Variants in THSD1 observed in about 807,000 individuals in gnomAD.
THSD1 encodes the protein thrombospondin type-1 domain-containing protein 1.
THSD1 carries 34 observed loss-of-function variants against 46.3 expected under a neutral mutation model. The ratio of observed to expected loss-of-function variants is 0.74; its 90% CI spans 0.56 to 0.98. THSD1 has a LOEUF of 0.98. THSD1 is among the 50% of genes least tolerant of loss of function. The pLI, the probability that THSD1 is intolerant of heterozygous loss-of-function variation, is 0.00. For synonymous variants in THSD1, 407 were observed against 416.5 expected (o/e 0.98, Z 0.28); for missense variants, 1,023 against 1,058.3 (o/e 0.97, Z 0.46).
chr13:52,389,210 T>A (rs1195507367), intron 3 of THSD1, among the ~76,000 whole-genome samples: 1 of 151,282 alleles, frequency 6.6e-6, no homozygotes, highest in African/African-American at 2.4e-5. Context: ...TGATCTGCCC[T>A]CCTCGGCCTC....
Position 52,397,847 on chromosome 13 carries a change from T to A in THSD1, c.406A>T (p.Arg136Trp). ...EWPVFHVDLNRSAKAAEGTFQ... is the reference protein window; with the variant it reads ...EWPVFHVDLNWSAKAAEGTFQ... ...GTGCCTTCTGCTGCCTTGGCACTCC[T>A]ATTCAAGTCAACGTGAAAGACAGGC... The change falls in exon 3 of 5, where the codon AGG becomes TGG. Residue 136 changes from arginine to tryptophan, a missense_variant. This residue lies in a region of THSD1 where 429 missense variants were observed against 518.3 expected (regional missense o/e 0.83). Coordinates refer to ENST00000258613, the MANE Select transcript of THSD1 (RefSeq NM_018676.4). 2.5e-6 allele frequency: 4 copies of A among 1,614,258 alleles called. No individual in the cohort carries two copies. In the South Asian group the frequency reaches 4.4e-5, roughly 18 times the overall value.
In THSD1 at chr13:52,377,899, C is replaced by A. The variant is rs1448685645; in HGVS notation, c.2071G>T (p.Ala691Ser). ...YSSRTRTCEQAEDRFRPQSRG... is the reference protein window; with the variant it reads ...YSSRTRTCEQSEDRFRPQSRG... Reference sequence around the variant, plus strand: ...CTCTGAGGCCTAAATCTGTCCTCTGCCTGCTCGCAGGTCCGCGTCCTAGAG... The same window carrying A: ...CTCTGAGGCCTAAATCTGTCCTCTGACTGCTCGCAGGTCCGCGTCCTAGAG... Residue 691 changes from alanine to serine, a missense_variant, in exon 5 of 5, where the codon GCA becomes TCA. By Grantham distance (99) the Ala-to-Ser change is moderately conservative. Around this residue, in one of 3 missense-constraint regions of THSD1, gnomAD observed 578 missense variants for 497.4 expected, o/e 1.16. Coordinates refer to ENST00000258613, the MANE Select transcript of THSD1 (RefSeq NM_018676.4). 2 of 1,614,210 alleles carry A rather than the reference C, an allele frequency of 1.2e-6. No homozygotes were observed. The highest frequency in any genetic ancestry group is 1.7e-6 in the Non-Finnish European group (2 of 1,180,024).
chr13:52,391,075 G>A (rs1448531774), intron 3 of THSD1, among the ~76,000 whole-genome samples: 1 of 152,176 alleles, frequency 6.6e-6, no homozygotes, highest in African/African-American at 2.4e-5. Context: ...GTAGTGCTTT[G>A]TGTACCTTTG....
intron 1 of THSD1, among the ~76,000 whole-genome samples, chr13:52,404,004 G>GTGGCAT (rs1957887396): frequency 7.7e-6 from 1 of 130,136 alleles, no homozygotes; most frequent in South Asian, 2.5e-4. Context: ...CTGGAGTGCA[G>GTGGCAT]TGGCATGATC....
intron 3 of THSD1, among the ~76,000 whole-genome samples, chr13:52,392,117 A>G (rs1166389245): frequency 6.8e-6 from 1 of 146,560 alleles, no homozygotes; most frequent in Non-Finnish European, 1.5e-5. Flanking sequence ...GCGTTAACCC[A>G]GGAGACGGAG....
Position 52,386,206 on chromosome 13 carries a change from G to C in THSD1, c.1022-20C>G, listed in dbSNP as rs952383995. The C allele has an allele frequency of 2.5e-6, 4 of 1,609,026 alleles. No individual in the cohort carries two copies. The Admixed American group carries it at 6.7e-5, about 27-fold the overall frequency. On this transcript the variant is annotated intron_variant, in intron 3 of 4. Transcript: ENST00000258613. The stretch of plus-strand genomic sequence containing the variant: ...AAGTTTCTGCAAGGATATAAGTTAT[G>C]CTTTTAATGCTAGTTCATTTGAGAA...
chr13:52,388,155 A>T (rs1957747245), intron 3 of THSD1, among the ~76,000 whole-genome samples: 1 of 151,354 alleles, frequency 6.6e-6, no homozygotes, highest in African/African-American at 2.4e-5. Context: ...TCTCTAAAGT[A>T]CTGAAAGAAA....
intron 3 of THSD1, among the ~76,000 whole-genome samples, chr13:52,387,718 AG>A (rs1957743682): frequency 1.3e-5 from 2 of 152,194 alleles, no homozygotes; most frequent in South Asian, 4.1e-4. Context: ...CACACAGCTG[AG>A]GAAAGAAACA....
At chr13:52,402,201 C>T (rs1957869065) in intron 2 of THSD1, among the ~76,000 whole-genome samples, 1 of 152,202 alleles carries the variant, frequency 6.6e-6, no homozygotes, top group Non-Finnish European at 1.5e-5. Context: ...CTAATATACA[C>T]AACATCATTG....
chr13:52,380,604 G>A (rs1026512332), intron 4 of THSD1, among the ~76,000 whole-genome samples: 9 of 147,898 alleles, frequency 6.1e-5, no homozygotes, highest in Non-Finnish European at 8.9e-5. Context: ...CCACCACCAC[G>A]CCTCACTAAA....
rs760620069 is a variant in THSD1, at chr13:52,378,539, G to A, written c.1431C>T (p.Ser477=). ...NICELSEQRG[S]FSDGGDGPTG... ...TGGGCCCGTCTCCCCCATCCGAGAA[G>A]CTCCCGCGCTGCTCGCTCAGCTCGC... The change falls in exon 5 of 5, where the codon AGC becomes AGT. Residue 477 remains serine (S), a synonymous_variant. Transcript: ENST00000258613. The A allele has an allele frequency of 3.1e-6, 5 of 1,614,188 alleles. No homozygotes were observed. In the South Asian group the frequency reaches 4.4e-5, roughly 14 times the overall value.
rs756045226 is a variant in THSD1, at chr13:52,377,643, G to C, written c.2327C>G (p.Ser776Cys). Residue 776 changes from serine to cysteine, a missense_variant, in exon 5 of 5, where the codon TCT becomes TGT. This residue lies in a region of THSD1 where 578 missense variants were observed against 497.4 expected (regional missense o/e 1.16). Transcript: ENST00000258613. ...GTAGTTATCTTTGGGGGATATGGGA[G>C]AAGACTGCTTCCTTGAGACACTCTT... is the stretch of plus-strand genomic sequence containing the variant. ...SHKSVSRKQSSPISPKDNYQR... is the reference protein window; with the variant it reads ...SHKSVSRKQSCPISPKDNYQR... 6.2e-7 allele frequency: 1 copy of C among 1,610,586 alleles called. No homozygotes were observed. Among genetic ancestry groups the C allele is most frequent in the Non-Finnish European group, 8.5e-7 (1 of 1,177,116 alleles).
intron 3 of THSD1, among the ~76,000 whole-genome samples, chr13:52,394,776 A>T (rs1957799913): frequency 6.6e-6 from 1 of 152,314 alleles, no homozygotes; most frequent in Admixed American, 6.5e-5. Flanking sequence ...TGGGCCAAAT[A>T]AAGACCATAA....
chr13:52,389,460 T>C (rs1395665024), intron 3 of THSD1, among the ~76,000 whole-genome samples: 2 of 152,184 alleles, frequency 1.3e-5, no homozygotes, highest in African/African-American at 4.8e-5. Flanking sequence ...TTAAAAGACA[T>C]AGATTGTCAG....
chr13:52,397,491 G>A lies in THSD1; in HGVS notation c.762C>T (p.Ser254=), dbSNP rs1422255176. ...GAGGCAGCACTGTCACCTCTACCCC[G>A]GACTCACATGTGAGTTCTGGCACCA... ...LVMVPELTCE[S]GVEVTVLPPP... is the part of the protein sequence containing the mutation. The change falls in exon 3 of 5, where the codon TCC becomes TCT. Residue 254 remains serine (S), a synonymous_variant. Transcript: ENST00000258613. 14 of 1,613,900 alleles carry A rather than the reference G, an allele frequency of 8.7e-6. No homozygotes were observed. The highest frequency in any genetic ancestry group is 4.4e-5 in the South Asian group (4 of 91,076).
At chr13:52,380,756 A>C (rs1054218401) in intron 4 of THSD1, among the ~76,000 whole-genome samples, 27 of 152,268 alleles carry the variant, frequency 1.8e-4, no homozygotes, top group Admixed American at 1.4e-3. Context: ...CAGGGCAAGA[A>C]GCAGAGTGCG....
intron 2 of THSD1, chr13:52,398,584 G>T: frequency 1.0e-6 from 1 of 985,392 alleles, no homozygotes; most frequent in Non-Finnish European, 1.2e-6. Context: ...CTGAGCCAGG[G>T]ATGATGTAAA....
chr13:52,387,704 T>C (rs1486093100), intron 3 of THSD1, among the ~76,000 whole-genome samples: 1 of 152,150 alleles, frequency 6.6e-6, no homozygotes, highest in Non-Finnish European at 1.5e-5. Flanking sequence ...ATCAATAGAC[T>C]TGACACACAG....
rs368931450 is a variant in THSD1 at position 52,402,649 on chromosome 13, C to T, written c.-49G>A. On this transcript the variant is annotated 5_prime_UTR_variant, in exon 2 of 5. It adds an upstream start codon to the 5' untranslated region. Coordinates refer to ENST00000258613, the MANE Select transcript of THSD1 (RefSeq NM_018676.4). ...TTTAGTCTCCTCATGTCCTTTCTCA[C>T]GTCCAGATTGTGATTTTTTTCCCCA... 1.1e-5 allele frequency: 17 copies of T among 1,605,304 alleles called. No individual in the cohort carries two copies. Among genetic ancestry groups the T allele is most frequent in the Admixed American group, 1.7e-5 (1 of 58,920 alleles).
Sources: allele counts gnomAD v4.1 joint callset (sites outside exome capture counted in the v4.1 genomes callset), GRCh38; gene constraint gnomAD v4.1.1; regional missense constraint gnomAD v4.1.1; transcripts MANE v1.5; gene names NCBI Gene and HGNC (gene_info 2026-07-23, HGNC 2026-07-21).